AOAH: variants seen among roughly 807,000 people sequenced by gnomAD.
The protein encoded by AOAH is acyloxyacyl hydrolase, also known as acyloxyacyl hydrolase (neutrophil).
A neutral mutation model predicts 92.2 loss-of-function variants in AOAH; 64 were observed. The ratio of observed to expected loss-of-function variants is 0.69; its 90% CI spans 0.57 to 0.86. The LOEUF (loss-of-function observed/expected upper bound fraction) is 0.86, where lower values mean the gene tolerates loss of function less well. Among genes scored for constraint, AOAH ranks in the 40% least tolerant of loss-of-function variants. The pLI, the probability that AOAH is intolerant of heterozygous loss-of-function variation, is 0.00. For missense variants in AOAH, 656 were observed against 694.6 expected (o/e 0.94, Z 0.62); for synonymous variants, 263 against 254.5 (o/e 1.03, Z -0.32).
intron 13 of AOAH, among the ~76,000 whole-genome samples, chr7:36,558,231 G>T (rs912369653): frequency 5.9e-5 from 9 of 152,168 alleles, no homozygotes; most frequent in African/African-American, 2.2e-4. Flanking sequence ...CAGGTCTGTT[G>T]GAGTTTGCTA....
intron 2 of AOAH, among the ~76,000 whole-genome samples, chr7:36,681,518 C>T (rs992672133): frequency 4.6e-5 from 7 of 152,070 alleles, no homozygotes; most frequent in African/African-American, 1.2e-4. Flanking sequence ...TTTGAAATCT[C>T]TTTGAATCTC....
In AOAH at chr7:36,677,356, C is replaced by CAA. The variant is rs1265912803; in HGVS notation, c.224-3348_224-3347insTT. Among the ~76,000 whole-genome samples, 24 of 152,252 alleles carry CAA rather than the reference C, an allele frequency of 1.6e-4. 1 individual carries two copies. The East Asian group carries it at 4.6e-3, about 29-fold the overall frequency. On this transcript the variant is annotated intron_variant, in intron 2 of 20. Coordinates refer to ENST00000617537, the MANE Select transcript of AOAH (RefSeq NM_001637.4). Reference sequence around the variant, plus strand: ...AAAAGATACTCAACATCATTAGCTACCAAGGAAATGCAATTCAAAGCCAAA... The same window carrying CAA: ...AAAAGATACTCAACATCATTAGCTACAACAAGGAAATGCAATTCAAAGCCAAA...
At chr7:36,609,158 G>C (rs1385123333) in intron 11 of AOAH, among the ~76,000 whole-genome samples, 1 of 152,170 alleles carries the variant, frequency 6.6e-6, no homozygotes, top group Non-Finnish European at 1.5e-5. Context: ...GGGATGGGAA[G>C]GGTGCATCGT....
intron 2 of AOAH, among the ~76,000 whole-genome samples, chr7:36,676,002 G>A (rs866561131): frequency 2.0e-5 from 3 of 152,176 alleles, no homozygotes; most frequent in African/African-American, 7.2e-5. Flanking sequence ...CAAAAAACCT[G>A]ACAACTTACA....
chr7:36,655,256 A>G (rs750571674), intron 4 of AOAH, among the ~76,000 whole-genome samples: 3 of 152,250 alleles, frequency 2.0e-5, no homozygotes, highest in Non-Finnish European at 4.4e-5. Context: ...AATACACATA[A>G]AGCATTTAGA....
At chr7:36,549,383 A>T in intron 14 of AOAH, 56 bp downstream of exon 14, 1 of 1,330,634 alleles carries the variant, frequency 7.5e-7, no homozygotes, top group Non-Finnish European at 1.1e-6. Context: ...CAGAGTTTTC[A>T]TTCCTTATTC....
At chr7:36,539,604 C>T (rs1192770740) in intron 16 of AOAH, among the ~76,000 whole-genome samples, 3 of 152,216 alleles carry the variant, frequency 2.0e-5, no homozygotes, top group African/African-American at 7.2e-5. Context: ...AATACATTCT[C>T]CTCTGAAATA....
At chr7:36,717,890 A>C (rs560083857) in intron 1 of AOAH, among the ~76,000 whole-genome samples, 4 of 152,048 alleles carry the variant, frequency 2.6e-5, no homozygotes, top group Admixed American at 6.5e-5. Context: ...CTACAACAAC[A>C]ATTTTAAAAT....
At chr7:36,657,322 A>G (rs922769501) in intron 4 of AOAH, among the ~76,000 whole-genome samples, 10 of 152,156 alleles carry the variant, frequency 6.6e-5, no homozygotes, top group African/African-American at 2.4e-4. Flanking sequence ...AGGAAGTCAC[A>G]TAACTTCTCT....
At chr7:36,694,618 G>A (rs1797599131) in intron 1 of AOAH, among the ~76,000 whole-genome samples, 1 of 152,000 alleles carries the variant, frequency 6.6e-6, no homozygotes, top group Admixed American at 6.5e-5. Flanking sequence ...ATACATTTTT[G>A]TCTAATGTTG....
intron 11 of AOAH, among the ~76,000 whole-genome samples, chr7:36,607,018 T>G (rs544232244): frequency 6.6e-6 from 1 of 152,304 alleles, no homozygotes; most frequent in Non-Finnish European, 1.5e-5. Flanking sequence ...GAACTACAAA[T>G]ATCTTTCCAG....
intron 6 of AOAH, among the ~76,000 whole-genome samples, chr7:36,627,960 G>A (rs1226678359): frequency 2.0e-5 from 3 of 152,166 alleles, no homozygotes; most frequent in Non-Finnish European, 4.4e-5. Context: ...ATCTCCATGT[G>A]TGCCTGCCTC....
intron 4 of AOAH, among the ~76,000 whole-genome samples, chr7:36,644,479 A>G (rs1794106412): frequency 6.6e-6 from 1 of 152,202 alleles, no homozygotes; most frequent in South Asian, 2.1e-4. Flanking sequence ...TAAACATTCA[A>G]TGGTTTCAGC....
At chr7:36,616,498 T>C (rs750833586) in intron 10 of AOAH, 24 bp from the exon 11 acceptor site, 3 of 1,599,326 alleles carry the variant, frequency 1.9e-6, no homozygotes, top group Non-Finnish European at 1.7e-6. Flanking sequence ...TTTATTCACA[T>C]TATTTATGCA....
At chr7:36,640,471 C>T (rs1434684572) in intron 4 of AOAH, among the ~76,000 whole-genome samples, 1 of 152,058 alleles carries the variant, frequency 6.6e-6, no homozygotes, top group Non-Finnish European at 1.5e-5. Context: ...AGGGTAGAAT[C>T]CCACCAGCAC....
chr7:36,595,823 A>G (rs1437303381), intron 11 of AOAH, among the ~76,000 whole-genome samples: 1 of 152,202 alleles, frequency 6.6e-6, no homozygotes, highest in Non-Finnish European at 1.5e-5. Flanking sequence ...GTATTTCTCA[A>G]TATTGAAAAT....
At chr7:36,608,912 G>A (rs201532263) in intron 11 of AOAH, among the ~76,000 whole-genome samples, 14 of 139,724 alleles carry the variant, frequency 1.0e-4, no homozygotes, top group Middle Eastern at 3.7e-3. Context: ...CGGCGGGGAG[G>A]GGGGGGGGTC....
intron 11 of AOAH, among the ~76,000 whole-genome samples, chr7:36,605,264 A>G (rs1713563212): frequency 6.8e-6 from 1 of 146,368 alleles, no homozygotes; most frequent in African/African-American, 2.5e-5. Flanking sequence ...ACAATGAATG[A>G]ACAGTGTATG....
intron 13 of AOAH, among the ~76,000 whole-genome samples, chr7:36,562,276 C>T (rs887792654): frequency 7.2e-5 from 11 of 152,146 alleles, no homozygotes; most frequent in Non-Finnish European, 1.5e-4. Context: ...AGACTTCTCC[C>T]CAGCTGCTTG....
Sources: gnomAD v4.1 joint callset for allele counts (sites outside exome capture counted in the v4.1 genomes callset) on GRCh38, gnomAD v4.1.1 for gene constraint, MANE v1.5 for transcripts, NCBI Gene and HGNC (gene_info 2026-07-23, HGNC 2026-07-21) for gene names.